FLNB: variants seen among roughly 807,000 people sequenced by gnomAD.
FLNB encodes the protein filamin B, also known as filamin-B.
A neutral mutation model predicts 250.6 loss-of-function variants in FLNB; 111 were observed. The ratio of observed to expected loss-of-function variants is 0.44; its 90% CI spans 0.38 to 0.52. The LOEUF (loss-of-function observed/expected upper bound fraction) is 0.52. Ranked by LOEUF, FLNB falls within the 20% of genes least tolerant of loss-of-function variation. The pLI, the probability that FLNB is intolerant of heterozygous loss-of-function variation, is 0.00. For missense variants in FLNB, 2,869 were observed against 3,447.8 expected (o/e 0.83, Z 4.20); for synonymous variants, 1,302 against 1,372.1 (o/e 0.95, Z 1.13).
At chr3:58,110,935 G>T (rs1437574672) in intron 16 of FLNB, among the ~76,000 whole-genome samples, 1 of 152,020 alleles carries the variant, frequency 6.6e-6, no homozygotes, top group Non-Finnish European at 1.5e-5. Flanking sequence ...TTTTCTCTCT[G>T]GCTCCTTACA....
intron 1 of FLNB, among the ~76,000 whole-genome samples, chr3:58,061,829 T>C (rs973492531): frequency 1.3e-5 from 2 of 151,766 alleles, no homozygotes; most frequent in Non-Finnish European, 2.9e-5. Flanking sequence ...TGGTGGCTCA[T>C]GCCTGTAATC....
At chr3:58,109,385 G>A in intron 14 of FLNB, 63 bp downstream of exon 14, 1 of 1,587,998 alleles carries the variant, frequency 6.3e-7, no homozygotes, top group Non-Finnish European at 8.6e-7. Flanking sequence ...CCAGGTCTGG[G>A]ATCCATGCCT....
At chr3:58,147,502 T>C (rs1183188188) in intron 34 of FLNB, among the ~76,000 whole-genome samples, 1 of 152,184 alleles carries the variant, frequency 6.6e-6, no homozygotes, top group East Asian at 1.9e-4. Context: ...CAGTGGGTTA[T>C]AAGGAAGATG....
intron 1 of FLNB, among the ~76,000 whole-genome samples, chr3:58,022,840 C>G (rs2097115982): frequency 6.6e-6 from 1 of 151,044 alleles, no homozygotes; most frequent in African/African-American, 2.4e-5. Flanking sequence ...TTTTTTGAGA[C>G]AGAGTCTTGC....
intron 18 of FLNB, 55 bp downstream of exon 18, chr3:58,112,373 C>A: frequency 1.3e-6 from 2 of 1,555,910 alleles, no homozygotes; most frequent in South Asian, 1.1e-5. Flanking sequence ...CCTTTCTATG[C>A]AGTCGGTGCT....
rs763648933 is a variant in FLNB, at chr3:58,121,296, C to A, written c.2919C>A (p.Gly973=). The change falls in exon 20 of 46, where the codon GGC becomes GGA. Residue 973 remains glycine (G), a synonymous_variant. Transcript: ENST00000295956. ...CCGTTGATACCAGGGGGGCAGGAGGCCAGGGGAAGCTGGACGTGACAATCC... is the reference window on the plus strand; with the variant it reads ...CCGTTGATACCAGGGGGGCAGGAGGACAGGGGAAGCTGGACGTGACAATCC... ...EFTVDTRGAG[G]QGKLDVTILS... 6.2e-7 allele frequency: 1 copy of A among 1,613,948 alleles called. No individual in the cohort carries two copies. The highest frequency in any genetic ancestry group is 1.3e-5 in the African/African-American group (1 of 74,880).
chr3:58,113,424 G>T (rs1006983672), intron 18 of FLNB, among the ~76,000 whole-genome samples: 1 of 152,228 alleles, frequency 6.6e-6, no homozygotes, highest in African/African-American at 2.4e-5. Context: ...CCTTGCTCCC[G>T]TCTGGGTCCT....
At chr3:58,045,416 T>G (rs749624505) in intron 1 of FLNB, among the ~76,000 whole-genome samples, 2 of 152,206 alleles carry the variant, frequency 1.3e-5, no homozygotes, top group Non-Finnish European at 2.9e-5. Context: ...CAGCTCTGAA[T>G]GCGCCCCAAC....
chr3:58,012,546 G>A (rs1035099192), intron 1 of FLNB, among the ~76,000 whole-genome samples: 5 of 152,172 alleles, frequency 3.3e-5, no homozygotes, highest in Admixed American at 6.5e-5. Flanking sequence ...CAAGTCTTAG[G>A]TGTTAGGGTG....
intron 18 of FLNB, among the ~76,000 whole-genome samples, chr3:58,117,994 T>G (rs1559705546): frequency 6.6e-6 from 1 of 152,120 alleles, no homozygotes. Context: ...CCTGGCCGAT[T>G]GTGGTGAAGG....
At position 58,071,775 on chromosome 3, in the gene FLNB, CCT is replaced by C. The variant is rs149813447; in HGVS notation, c.293-5268_293-5267del. On this transcript the variant is annotated intron_variant, in intron 1 of 45. Coordinates refer to ENST00000295956, the MANE Select transcript of FLNB (RefSeq NM_001457.4). ...CCAGGAGAGAAGCTGCTGGAACTGA[CCT>C]CTGGGAACTCCCTGGATGGTTTGGT... Among the ~76,000 whole-genome samples the C allele has an allele frequency of 6.9e-3, 1,052 of 152,298 alleles. 11 individuals carry two copies. Among genetic ancestry groups the C allele is most frequent in the African/African-American group, 0.024 (993 of 41,578 alleles).
intron 1 of FLNB, among the ~76,000 whole-genome samples, chr3:58,011,910 A>T (rs1044938204): frequency 6.6e-6 from 1 of 152,218 alleles, no homozygotes; most frequent in African/African-American, 2.4e-5. Flanking sequence ...TCTAATAATT[A>T]TCTCAAAAGT....
chr3:58,086,444 C>T (rs2097217517), intron 4 of FLNB, among the ~76,000 whole-genome samples: 2 of 136,264 alleles, frequency 1.5e-5, no homozygotes, highest in South Asian at 5.4e-4. Flanking sequence ...TTCAAAGTTT[C>T]AGGTATTTAT....
At chr3:58,134,502 A>T in intron 26 of FLNB, 114 bp from the exon 27 acceptor site, 1 of 1,231,860 alleles carries the variant, frequency 8.1e-7, no homozygotes, top group Non-Finnish European at 1.2e-6. Context: ...TCACTGTCTT[A>T]TCTGCTGTAG....
Position 58,142,586 on chromosome 3 carries a change from C to T in FLNB, c.5182-64C>T. The T allele has an allele frequency of 7.2e-7, 1 of 1,396,524 alleles. No individual in the cohort carries two copies. The highest frequency in any genetic ancestry group is 1.0e-6 in the Non-Finnish European group (1 of 986,302). The allele number at this position is 1,396,524 out of a possible 1,614,324, so 86.5% of individuals were successfully genotyped here. On this transcript the variant is annotated intron_variant, in intron 30 of 45. Coordinates refer to ENST00000295956, the MANE Select transcript of FLNB (RefSeq NM_001457.4). This position sits in a 1 kb window ranked among gnomAD's most constrained non-coding sequence, Gnocchi z 4.3. ...GTAGAATTCCCAGCAGCTCTAACCC[C>T]TGTAGCTTCACCAGCTCCCGCTGTT...
Position 58,008,862 on chromosome 3 carries a change from T to C in FLNB, c.292+6T>C, listed in dbSNP as rs1296747219. 6.2e-7 allele frequency: 1 copy of C among 1,613,446 alleles called. No homozygotes were observed. The highest frequency in any genetic ancestry group is 8.5e-7 in the Non-Finnish European group (1 of 1,179,930). On this transcript the variant is annotated splice_donor_region_variant and intron_variant, in intron 1 of 45. Coordinates refer to ENST00000295956, the MANE Select transcript of FLNB (RefSeq NM_001457.4). ...CATCAAGCTCGTGTCCATCGGTGAG[T>C]TCTCTGGCCGGGCCCAGGCGCCCAC...
intron 1 of FLNB, among the ~76,000 whole-genome samples, chr3:58,069,275 T>G (rs1168109339): frequency 7.0e-6 from 1 of 143,326 alleles, no homozygotes; most frequent in Admixed American, 7.0e-5. Context: ...AGTCTTGCTC[T>G]GTTGCCCAGG....
At chr3:58,078,105 G>A (rs2097204208) in intron 2 of FLNB, among the ~76,000 whole-genome samples, 1 of 152,208 alleles carries the variant, frequency 6.6e-6, no homozygotes, top group East Asian at 1.9e-4. Flanking sequence ...GAGGGCTGAA[G>A]GCCTCATTCT....
In FLNB at chr3:58,102,207, C is replaced by A; in HGVS notation, c.1350C>A (p.Cys450Ter). Residue 450 changes from cysteine (C) to a stop codon, truncating the protein, a stop_gained, in exon 9 of 46, where the codon TGC becomes TGA. Transcript: ENST00000295956. LOFTEE classifies it high-confidence loss of function. ...ATGTCAAAACTGTGCTTGCAGCCTGCAATCCAAATGCCTGCCGGGCCAGTG... is the reference window on the plus strand; with the variant it reads ...ATGTCAAAACTGTGCTTGCAGCCTGAAATCCAAATGCCTGCCGGGCCAGTG... ...SPFVVQVGEA[C>*]NPNACRASGR... The A allele has an allele frequency of 6.2e-7, 1 of 1,614,190 alleles. No homozygotes were observed. Among genetic ancestry groups the A allele is most frequent in the Non-Finnish European group, 8.5e-7 (1 of 1,180,020 alleles).
Sources: allele counts gnomAD v4.1 joint callset (sites outside exome capture counted in the v4.1 genomes callset), GRCh38; gene constraint gnomAD v4.1.1; non-coding constraint Gnocchi (gnomAD v3.1); transcripts MANE v1.5; gene names NCBI Gene and HGNC (gene_info 2026-07-23, HGNC 2026-07-21).